The following SLC23A2 variants were observed in gnomAD, a reference collection of about 807,000 sequenced individuals.
SLC23A2 encodes Na(+)/L-ascorbic acid transporter 2.
SLC23A2 carries 36 observed loss-of-function variants against 73.3 expected under a neutral mutation model. The observed-to-expected ratio is 0.49, with a 90% CI of 0.38 to 0.65. The LOEUF is 0.65. SLC23A2 is among the 30% of genes least tolerant of loss of function. The pLI is 0.00. For synonymous variants in SLC23A2, 343 were observed against 327.3 expected (o/e 1.05, Z -0.52); for missense variants, 507 against 841.6 (o/e 0.60, Z 4.92).
At chr20:4,955,082 A>T (rs866080945) in intron 2 of SLC23A2, among the ~76,000 whole-genome samples, 27 of 148,792 alleles carry the variant, frequency 1.8e-4, no homozygotes, top group Non-Finnish European at 3.0e-4. Context: ...CTCTCTATTT[A>T]AAAAAAAAAT....
At chr20:4,953,400 G>C (rs1398511174) in intron 2 of SLC23A2, among the ~76,000 whole-genome samples, 7 of 152,050 alleles carry the variant, frequency 4.6e-5, no homozygotes, top group Non-Finnish European at 1.0e-4. Flanking sequence ...TGAAAACAGA[G>C]AGTAAGAAGA....
intron 2 of SLC23A2, among the ~76,000 whole-genome samples, chr20:4,968,868 G>A (rs752008138): frequency 7.9e-5 from 12 of 151,630 alleles, no homozygotes; most frequent in Non-Finnish European, 1.3e-4. Flanking sequence ...ACAGGTGTGC[G>A]CCACCATGCC....
At chr20:4,956,871 G>A (rs139660286) in intron 2 of SLC23A2, among the ~76,000 whole-genome samples, 8,257 of 146,216 alleles carry the variant, frequency 0.056, 425 homozygotes, top group African/African-American at 0.13. Flanking sequence ...GCAATGGCGC[G>A]ATCTTGGCTC....
chr20:4,999,646 G>T (rs2088085030), intron 1 of SLC23A2, among the ~76,000 whole-genome samples: 1 of 151,248 alleles, frequency 6.6e-6, no homozygotes, highest in Non-Finnish European at 1.5e-5. Context: ...TCCCACCTCA[G>T]CCTCCCAAAG....
intron 1 of SLC23A2, among the ~76,000 whole-genome samples, chr20:4,991,024 C>T (rs992902733): frequency 4.7e-5 from 7 of 149,050 alleles, no homozygotes; most frequent in African/African-American, 1.7e-4. Context: ...AAGCAGTATA[C>T]TTGCTTTATA....
In SLC23A2 at chr20:4,907,596, G is replaced by C. The variant is rs145561293; in HGVS notation, c.208-5038C>G. On this transcript the variant is annotated intron_variant, in intron 4 of 16. Coordinates refer to ENST00000338244, the MANE Select transcript of SLC23A2 (RefSeq NM_005116.6). ...CCAAAAAACAATAAAAGAGGTCTCA[G>C]AAATTAAGCACAGGATAGTTTTTTA... 7.9e-3 allele frequency among the ~76,000 whole-genome samples: 1,205 copies of C among 152,184 alleles called. 26 individuals carry two copies. The highest frequency in any genetic ancestry group is 0.028 in the African/African-American group (1,165 of 41,548).
At chr20:4,944,239 T>TTTTG (rs761786310) in intron 2 of SLC23A2, among the ~76,000 whole-genome samples, 18 of 152,144 alleles carry the variant, frequency 1.2e-4, no homozygotes, top group African/African-American at 3.9e-4. Flanking sequence ...GAACCTGTAT[T>TTTTG]TTTGTTTGTT....
intron 1 of SLC23A2, among the ~76,000 whole-genome samples, chr20:4,989,639 A>G (rs1265102617): frequency 7.7e-6 from 1 of 130,602 alleles, no homozygotes; most frequent in African/African-American, 2.6e-5. Flanking sequence ...TCTTGCCACT[A>G]TACTTCAGCC....
At chr20:4,894,017 C>T (rs578111756) in intron 6 of SLC23A2, among the ~76,000 whole-genome samples, 3 of 152,216 alleles carry the variant, frequency 2.0e-5, no homozygotes, top group East Asian at 1.9e-4. Context: ...AAAAGAATGA[C>T]GGCTGCAGGC....
At chr20:4,907,936 A>AG (rs1932014957) in intron 4 of SLC23A2, among the ~76,000 whole-genome samples, 1 of 152,088 alleles carries the variant, frequency 6.6e-6, no homozygotes, top group African/African-American at 2.4e-5. Context: ...CCAGATGGAA[A>AG]GGAAAAAAAA....
chr20:4,968,632 T>C (rs1348321526), intron 2 of SLC23A2, among the ~76,000 whole-genome samples: 1 of 152,088 alleles, frequency 6.6e-6, no homozygotes, highest in African/African-American at 2.4e-5. Flanking sequence ...AAAGGTGACC[T>C]CTAAGAAAAG....
At position 4,947,957 on chromosome 20, in the gene SLC23A2, A is replaced by G. The variant is rs1176068057; in HGVS notation, c.-154-15241T>C. ...GCTCACCCAATACAAAAATCTTGGG[A>G]GCCTGGATAACTTCCAGGAGATGGC... On this transcript the variant is annotated intron_variant, in intron 2 of 16. Coordinates refer to ENST00000338244, the MANE Select transcript of SLC23A2 (RefSeq NM_005116.6). This position sits in a 1 kb window ranked among gnomAD's most constrained non-coding sequence, Gnocchi z 4.4. Among the ~76,000 whole-genome samples, 1 of 152,170 alleles carries G rather than the reference A, an allele frequency of 6.6e-6. No homozygotes were observed. Among genetic ancestry groups the G allele is most frequent in the African/African-American group, 2.4e-5 (1 of 41,454 alleles).
At chr20:4,930,725 G>A (rs980515882) in intron 3 of SLC23A2, among the ~76,000 whole-genome samples, 13 of 152,128 alleles carry the variant, frequency 8.5e-5, no homozygotes, top group Admixed American at 4.6e-4. Flanking sequence ...AGGCTGAGGC[G>A]GGAGAATCGC....
intron 2 of SLC23A2, among the ~76,000 whole-genome samples, chr20:4,963,835 G>A (rs1286297641): frequency 1.3e-5 from 2 of 152,066 alleles, no homozygotes; most frequent in African/African-American, 4.8e-5. Context: ...GTGACATAGT[G>A]AGACTCTGTC....
chr20:4,969,578 T>A (rs2087529906), intron 2 of SLC23A2, among the ~76,000 whole-genome samples: 1 of 149,278 alleles, frequency 6.7e-6, no homozygotes. Context: ...TCTGACAGCA[T>A]CCTTTTTTTT....
rs1930086278 is a variant in SLC23A2 at position 4,863,931 on chromosome 20, T to C, written c.1357-1024A>G. Among the ~76,000 whole-genome samples the C allele has an allele frequency of 6.6e-6, 1 of 152,204 alleles. No homozygotes were observed. Among genetic ancestry groups the C allele is most frequent in the Non-Finnish European group, 1.5e-5 (1 of 68,044 alleles). On this transcript the variant is annotated intron_variant, in intron 13 of 16. Coordinates refer to ENST00000338244, the MANE Select transcript of SLC23A2 (RefSeq NM_005116.6). The surrounding 1 kb of genome is among the most constrained non-coding windows in gnomAD (Gnocchi z 4.8). ...CTGATCTCTGCCTCCCAGCAGCTTCTGTCTAGCCTGCTGTCACCAGTCATG... is the reference window on the plus strand; with the variant it reads ...CTGATCTCTGCCTCCCAGCAGCTTCCGTCTAGCCTGCTGTCACCAGTCATG...
At chr20:4,997,034 G>C (rs2088035336) in intron 1 of SLC23A2, among the ~76,000 whole-genome samples, 1 of 152,074 alleles carries the variant, frequency 6.6e-6, no homozygotes. Context: ...TTCTTTCTAG[G>C]TGCTAAGACC....
intron 2 of SLC23A2, among the ~76,000 whole-genome samples, chr20:4,952,558 A>G (rs934676723): frequency 1.3e-5 from 2 of 152,194 alleles, no homozygotes; most frequent in Non-Finnish European, 2.9e-5. Context: ...TATTCCAACC[A>G]GGTTGGAATA....
chr20:4,949,749 A>G (rs2087171115), intron 2 of SLC23A2, among the ~76,000 whole-genome samples: 1 of 152,196 alleles, frequency 6.6e-6, no homozygotes, highest in Non-Finnish European at 1.5e-5. Context: ...AAACAGATAC[A>G]CGCAGACCCA....
Sources: allele counts gnomAD v4.1 joint callset (sites outside exome capture counted in the v4.1 genomes callset), GRCh38; gene constraint gnomAD v4.1.1; non-coding constraint Gnocchi (gnomAD v3.1); transcripts MANE v1.5; gene names NCBI Gene and HGNC (gene_info 2026-07-23, HGNC 2026-07-21).